Variants in ZNF638 observed in about 807,000 individuals in gnomAD.
ZNF638 encodes CTCL tumor antigen se33-1.
ZNF638 carries 46 observed loss-of-function variants against 195.6 expected under a neutral mutation model. The observed-to-expected ratio is 0.24, with a 90% CI of 0.19 to 0.30. The LOEUF is 0.30. ZNF638 is among the 10% of genes least tolerant of loss of function. The probability of loss-of-function intolerance (pLI) is 1.00; values close to 1 mark genes in which losing one functional copy is unlikely to be tolerated. For synonymous variants in ZNF638, 845 were observed against 772.0 expected, an observed-to-expected ratio of 1.09 and a Z score of -1.57; for missense variants, 2,440 against 2,325.3, an observed-to-expected ratio of 1.05 and a Z score of -1.01.
chr2:71,339,533 A>ACC (rs2078729449), intron 1 of ZNF638, among the ~76,000 whole-genome samples: 2 of 152,324 alleles, frequency 1.3e-5, no homozygotes, highest in East Asian at 3.9e-4. Context: ...TCCATGAAGA[A>ACC]AAGCAAATAA....
intron 1 of ZNF638, among the ~76,000 whole-genome samples, chr2:71,339,651 C>T (rs1454877243): frequency 6.6e-6 from 1 of 152,194 alleles, no homozygotes; most frequent in East Asian, 1.9e-4. Flanking sequence ...TACCTCTGTT[C>T]CAGTGGCTTT....
At chr2:71,386,643 A>G (rs1465549380) in intron 10 of ZNF638, among the ~76,000 whole-genome samples, 1 of 152,198 alleles carries the variant, frequency 6.6e-6, no homozygotes, top group Non-Finnish European at 1.5e-5. Context: ...TTTAATTATA[A>G]TTACCCATCT....
intron 10 of ZNF638, among the ~76,000 whole-genome samples, chr2:71,390,507 T>C (rs1206980257): frequency 1.3e-5 from 2 of 152,148 alleles, no homozygotes; most frequent in African/African-American, 2.4e-5. Flanking sequence ...GTATTAGTTA[T>C]GATGGAGTGT....
At position 71,349,544 on chromosome 2, in the gene ZNF638, A is replaced by C. The variant is rs1275742889; in HGVS notation, c.590A>C (p.Glu197Ala). The C allele has an allele frequency of 1.2e-6, 2 of 1,614,230 alleles. No homozygotes were observed. The highest frequency in any genetic ancestry group is 1.7e-6 in the Non-Finnish European group (2 of 1,180,034). Residue 197 changes from glutamate to alanine, a missense_variant, in exon 2 of 28, where the codon GAA (glutamate) becomes GCA (alanine). This residue lies in a region of ZNF638 where 305 missense variants were observed against 283.6 expected (regional missense o/e 1.08). Coordinates refer to ENST00000264447, the MANE Select transcript of ZNF638 (RefSeq NM_014497.5). Reference protein sequence around the residue: ...PNLPSQSRNKETLGSEAVSSN... With the variant: ...PNLPSQSRNKATLGSEAVSSN... Reference sequence around the variant, plus strand: ...TTACCTTCTCAGAGCAGAAATAAAGAAACACTTGGTAGTGAAGCAGTTTCA... The same window carrying C: ...TTACCTTCTCAGAGCAGAAATAAAGCAACACTTGGTAGTGAAGCAGTTTCA...
At chr2:71,348,039 C>T (rs2078880574) in intron 1 of ZNF638, among the ~76,000 whole-genome samples, 1 of 152,164 alleles carries the variant, frequency 6.6e-6, no homozygotes, top group Non-Finnish European at 1.5e-5. Flanking sequence ...TATAGTTAAT[C>T]ATTATTGTCA....
At position 71,423,402 on chromosome 2, in the gene ZNF638, C is replaced by T; in HGVS notation, c.3888C>T (p.Asp1296=). ...GIPTGDEKTV[D]KKNISEKKGN... ...CCACTGGGGATGAGAAGACAGTGGA[C>T]AAAAAGAATATTTCTGAAAAAAAAG... The change falls in exon 22 of 28, where the codon GAC becomes GAT. Residue 1296 remains aspartate, a synonymous_variant. Coordinates refer to ENST00000264447, the MANE Select transcript of ZNF638 (RefSeq NM_014497.5). The T allele has an allele frequency of 3.7e-6, 6 of 1,610,876 alleles. No homozygotes were observed. The highest frequency in any genetic ancestry group is 5.1e-6 in the Non-Finnish European group (6 of 1,179,084).
chr2:71,423,216 G>A lies in ZNF638; in HGVS notation c.3702G>A (p.Arg1234=), dbSNP rs773713833. 6.2e-7 allele frequency: 1 copy of A among 1,614,082 alleles called. No homozygotes were observed. Among genetic ancestry groups the A allele is most frequent in the South Asian group, 1.1e-5 (1 of 91,068 alleles). ...LPSDSVFAEE[R]NLKGILEESP... ...CTGACAGTGTGTTTGCAGAAGAAAG[G>A]AACCTCAAAGGAATTCTAGAAGAAT... Residue 1234 remains arginine (R), a synonymous_variant, in exon 22 of 28, where the codon AGG becomes AGA. Transcript: ENST00000264447.
At chr2:71,419,388 A>G (rs891856115) in intron 21 of ZNF638, among the ~76,000 whole-genome samples, 1 of 152,208 alleles carries the variant, frequency 6.6e-6, no homozygotes, top group African/African-American at 2.4e-5. Flanking sequence ...ATTTGTTTGA[A>G]ACAGCAGTTT....
At chr2:71,360,613 G>A (rs937430867) in intron 3 of ZNF638, among the ~76,000 whole-genome samples, 1 of 151,426 alleles carries the variant, frequency 6.6e-6, no homozygotes, top group Non-Finnish European at 1.5e-5. Context: ...GGATGTTTTT[G>A]TGGTGTTGAT....
intron 7 of ZNF638, 38 bp downstream of exon 7, chr2:71,368,566 T>G (rs1224339708): frequency 6.2e-7 from 1 of 1,604,374 alleles, no homozygotes; most frequent in African/African-American, 1.3e-5. Flanking sequence ...TCATACAAAG[T>G]GATTGCTTTA....
rs189226153 is a variant in ZNF638 at position 71,400,333 on chromosome 2, A to G, written c.2657-145A>G. 58 of 1,048,742 alleles carry G rather than the reference A, an allele frequency of 5.5e-5. No homozygotes were observed. In the African/African-American group the frequency reaches 6.5e-4, roughly 12 times the overall value. 65.0% of individuals were successfully genotyped at this position (1,048,742 alleles called of 1,614,324 possible). On this transcript the variant is annotated intron_variant, in intron 14 of 27. Transcript: ENST00000264447. ...ATTTAAATGTATTTTTTAAAAGCCA[A>G]TGTCACTTTTGTAGTCATTTTGTAC... is the stretch of plus-strand genomic sequence containing the variant.
At position 71,367,362 on chromosome 2, in the gene ZNF638, ATCC is replaced by A. The variant is rs201236510; in HGVS notation, c.1996-1015_1996-1013del. On this transcript the variant is annotated intron_variant, in intron 6 of 27. Coordinates refer to ENST00000264447, the MANE Select transcript of ZNF638 (RefSeq NM_014497.5). ...CAGCCTCAAGTTCCTGAGCTCAAGTATCCTCCTGCCTCAGGCTCCCAGGTAGAA... is the reference window on the plus strand; with the variant it reads ...CAGCCTCAAGTTCCTGAGCTCAAGTATCCTGCCTCAGGCTCCCAGGTAGAA... 3.6e-3 allele frequency among the ~76,000 whole-genome samples: 540 copies of A among 151,098 alleles called. 9 individuals carry two copies. Among genetic ancestry groups the A allele is most frequent in the Admixed American group, 0.027 (413 of 15,172 alleles).
intron 1 of ZNF638, among the ~76,000 whole-genome samples, chr2:71,346,610 G>A (rs1278464439): frequency 6.6e-6 from 1 of 152,090 alleles, no homozygotes; most frequent in Non-Finnish European, 1.5e-5. Flanking sequence ...ATATGCCTGG[G>A]GGATAAGACT....
chr2:71,362,909 C>T (rs2079133180), intron 3 of ZNF638, among the ~76,000 whole-genome samples: 1 of 152,190 alleles, frequency 6.6e-6, no homozygotes, highest in African/African-American at 2.4e-5. Context: ...TACCTCTTAA[C>T]ACTTCTGTGC....
chr2:71,373,891 C>T (rs35616139), intron 8 of ZNF638: 14,971 of 152,088 alleles, frequency 0.098, 800 homozygotes, highest in Non-Finnish European at 0.12. Context: ...GGCACAATTT[C>T]GGCTCATTGC....
At chr2:71,425,846 G>T (rs1171973033) in intron 23 of ZNF638, among the ~76,000 whole-genome samples, 1 of 151,980 alleles carries the variant, frequency 6.6e-6, no homozygotes, top group Non-Finnish European at 1.5e-5. Context: ...TGTATTTTTA[G>T]TAGAGCTGGG....
chr2:71,384,158 G>T (rs1189980746), intron 10 of ZNF638, among the ~76,000 whole-genome samples: 2 of 152,078 alleles, frequency 1.3e-5, no homozygotes, highest in Non-Finnish European at 2.9e-5. Context: ...CTCTACTTCA[G>T]CTCTCAAATT....
At chr2:71,410,086 T>A (rs1016596387) in intron 20 of ZNF638, among the ~76,000 whole-genome samples, 1 of 152,198 alleles carries the variant, frequency 6.6e-6, no homozygotes, top group African/African-American at 2.4e-5. Flanking sequence ...CAGAATCCAG[T>A]ATTATTGAGG....
rs2080467199 is a variant in ZNF638, at chr2:71,423,150, A to G, written c.3636A>G (p.Lys1212=). 1.9e-6 allele frequency: 3 copies of G among 1,614,016 alleles called. No individual in the cohort carries two copies. The African/African-American group carries it at 4.0e-5, about 22-fold the overall frequency. ...TGTTTAACAGTGACTTGGAGAAGAA[A>G]GGGGCAGAAATTATTAACCCTAAAA... The part of the protein sequence containing the change: ...QQMFNSDLEK[K]GAEIINPKTA... Residue 1212 remains lysine (K), a synonymous_variant, in exon 22 of 28, where the codon AAA becomes AAG. Transcript: ENST00000264447.
Sources: gnomAD v4.1 joint callset for allele counts (sites outside exome capture counted in the v4.1 genomes callset) on GRCh38, gnomAD v4.1.1 for gene constraint, gnomAD v4.1.1 regional missense constraint, MANE v1.5 for transcripts, NCBI Gene and HGNC (gene_info 2026-07-23, HGNC 2026-07-21) for gene names.